SOX5: variants seen among roughly 807,000 people sequenced by gnomAD.
The protein encoded by SOX5 is transcription factor SOX-5.
Under a neutral mutation model 92.0 loss-of-function variants are expected in SOX5, and 9 were observed. The observed-to-expected ratio is 0.10, with a 90% CI of 0.06 to 0.17. The LOEUF (loss-of-function observed/expected upper bound fraction) is 0.17. SOX5 is among the 10% of genes least tolerant of loss of function. The pLI is 1.00. For missense variants in SOX5, 642 were observed against 944.5 expected (o/e 0.68, Z 4.20); for synonymous variants, 344 against 336.3 (o/e 1.02, Z -0.25).
chr12:24,272,324 C>T (rs982662910), intron 3 of SOX5, among the ~76,000 whole-genome samples: 9 of 152,166 alleles, frequency 5.9e-5, no homozygotes, highest in East Asian at 3.9e-4. Flanking sequence ...GTGCCAATAA[C>T]GACAGTTAGT....
At chr12:24,193,838 G>GA (rs1302310477) in intron 4 of SOX5, among the ~76,000 whole-genome samples, 1 of 152,160 alleles carries the variant, frequency 6.6e-6, no homozygotes, top group African/African-American at 2.4e-5. Flanking sequence ...CTTTTTCAGA[G>GA]AAAAAAGTAG....
upstream of SOX5, chr12:23,951,180 C>A (rs1329255949): frequency 1.2e-5 from 5 of 400,220 alleles, no homozygotes; most frequent in South Asian, 8.1e-5. Context: ...CCCTTCAAAG[C>A]CGAAGTGATT....
intron 4 of SOX5, among the ~76,000 whole-genome samples, chr12:23,988,022 A>G (rs1389406335): frequency 6.6e-6 from 1 of 152,236 alleles, no homozygotes; most frequent in Admixed American, 6.5e-5. Flanking sequence ...AAAGTAATAT[A>G]ATAGAAATAA....
intron 4 of SOX5, among the ~76,000 whole-genome samples, chr12:23,993,432 A>AT (rs1643258885): frequency 6.6e-6 from 1 of 152,234 alleles, no homozygotes; most frequent in South Asian, 2.1e-4. Context: ...AGCAATGTTT[A>AT]TTTTTTCTGT....
chr12:24,486,016 C>T (rs1293407296), intron 1 of SOX5, among the ~76,000 whole-genome samples: 1 of 152,084 alleles, frequency 6.6e-6, no homozygotes, highest in African/African-American at 2.4e-5. Flanking sequence ...GCAGTGGTTC[C>T]ATCATAGTTC....
At chr12:23,752,103 T>TA (rs1291752056) in intron 4 of SOX5, among the ~76,000 whole-genome samples, 2 of 150,158 alleles carry the variant, frequency 1.3e-5, no homozygotes, top group Non-Finnish European at 3.0e-5. Flanking sequence ...AACCAGGCTC[T>TA]AAAAAACTCT....
intron 4 of SOX5, among the ~76,000 whole-genome samples, chr12:24,124,855 AGC>A (rs1593380568): frequency 1.3e-5 from 2 of 152,364 alleles, no homozygotes; most frequent in East Asian, 3.9e-4. Flanking sequence ...ACATGATAGT[AGC>A]ATTTGTGACA....
intron 3 of SOX5, among the ~76,000 whole-genome samples, chr12:24,228,938 G>T (rs968681801): frequency 2.0e-5 from 3 of 152,106 alleles, no homozygotes; most frequent in Non-Finnish European, 4.4e-5. Context: ...ATAAATTAAT[G>T]GTTAATCGAG....
intron 1 of SOX5, among the ~76,000 whole-genome samples, chr12:24,448,921 C>T (rs1230490007): frequency 6.6e-6 from 1 of 152,100 alleles, no homozygotes; most frequent in African/African-American, 2.4e-5. Context: ...CCATCCAAAC[C>T]TGCACCTCCC....
At chr12:24,405,037 C>A (rs890202877) in intron 1 of SOX5, among the ~76,000 whole-genome samples, 1 of 152,140 alleles carries the variant, frequency 6.6e-6, no homozygotes, top group East Asian at 1.9e-4. Context: ...AGAACAGATT[C>A]TTCGCCTGCA....
At chr12:23,541,486 T>C (rs1174627855) in intron 13 of SOX5, among the ~76,000 whole-genome samples, 3 of 152,116 alleles carry the variant, frequency 2.0e-5, no homozygotes, top group Non-Finnish European at 4.4e-5. Flanking sequence ...TTTTTAAAGA[T>C]AGGAAATTTC....
chr12:24,257,388 G>T (rs1441929761), intron 3 of SOX5, among the ~76,000 whole-genome samples: 1 of 152,128 alleles, frequency 6.6e-6, no homozygotes. Context: ...GCACAAAATT[G>T]TTCCAGGTGA....
chr12:24,146,287 CCTAA>C (rs894333744), intron 4 of SOX5, among the ~76,000 whole-genome samples: 22 of 151,996 alleles, frequency 1.4e-4, no homozygotes, highest in African/African-American at 4.3e-4. Flanking sequence ...TAGTATGTTC[CCTAA>C]CTATCATAAA....
chr12:23,940,745 TACACAC>T (rs36124621), intron 1 of SOX5, among the ~76,000 whole-genome samples: 12,427 of 139,676 alleles, frequency 0.089, 549 homozygotes, highest in Middle Eastern at 0.14. Context: ...AGATAAGTAT[TACACAC>T]ACACACACAC....
At chr12:24,252,336 A>G (rs553049392) in intron 3 of SOX5, among the ~76,000 whole-genome samples, 3 of 152,320 alleles carry the variant, frequency 2.0e-5, no homozygotes, top group African/African-American at 4.8e-5. Context: ...AGCAAAACCA[A>G]TTGCTGTCAC....
chr12:24,379,263 A>T (rs1043680908), intron 1 of SOX5, among the ~76,000 whole-genome samples: 2 of 152,232 alleles, frequency 1.3e-5, no homozygotes, highest in Non-Finnish European at 2.9e-5. Context: ...TGAAAGTTGG[A>T]AATGCCAAAA....
Position 23,947,713 on chromosome 12 carries a change from T to A in SOX5, c.38+1851A>T, listed in dbSNP as rs182286525. On this transcript the variant is annotated intron_variant, in intron 1 of 14. Coordinates refer to ENST00000451604, the MANE Select transcript of SOX5 (RefSeq NM_006940.6). ...CATGCCTCTGGGTGAAAAAAAAAAA[T>A]GAAATTCCCACCAGGAGGAAAAAAG... Among the ~76,000 whole-genome samples, 60 of 147,874 alleles carry A rather than the reference T, an allele frequency of 4.1e-4. No homozygotes were observed. In the East Asian group the frequency reaches 0.011, roughly 26 times the overall value.
At chr12:24,551,128 G>A (rs1358024487) in intron 1 of SOX5, among the ~76,000 whole-genome samples, 2 of 152,148 alleles carry the variant, frequency 1.3e-5, no homozygotes, top group African/African-American at 2.4e-5. Context: ...ATGTCACTCT[G>A]GGAATTCTAA....
At chr12:24,321,802 A>G (rs1320054664) in intron 2 of SOX5, among the ~76,000 whole-genome samples, 1 of 152,220 alleles carries the variant, frequency 6.6e-6, no homozygotes. Flanking sequence ...AATTTAACTT[A>G]GTATTAAAAC....
Sources: gnomAD v4.1 joint callset for allele counts (sites outside exome capture counted in the v4.1 genomes callset) on GRCh38, gnomAD v4.1.1 for gene constraint, MANE v1.5 for transcripts, NCBI Gene and HGNC (gene_info 2026-07-23, HGNC 2026-07-21) for gene names.